DNAJC5: variants seen among roughly 807,000 people sequenced by gnomAD.
DNAJC5 encodes the protein DnaJ heat shock protein family (Hsp40) member C5, also known as dnaJ homolog subfamily C member 5.
A neutral mutation model predicts 23.2 loss-of-function variants in DNAJC5; 1 was observed. That is an observed-to-expected ratio of 0.04 (90% confidence interval 0.02 to 0.20). The LOEUF is 0.20. Among genes scored for constraint, DNAJC5 ranks in the 10% least tolerant of loss-of-function variants. The pLI is 1.00. For missense variants in DNAJC5, 180 were observed against 267.0 expected (o/e 0.67, Z 2.27); for synonymous variants, 136 against 120.0 (o/e 1.13, Z -0.87).
rs773991541 is a variant in DNAJC5 at position 63,931,129 on chromosome 20, G to A, written c.493+107G>A. On this transcript the variant is annotated intron_variant, in intron 4 of 4. Coordinates refer to ENST00000360864, the MANE Select transcript of DNAJC5 (RefSeq NM_025219.3). The surrounding 1 kb of genome is among the most constrained non-coding windows in gnomAD (Gnocchi z 9.6). ...AACAGGAGGGCACTGACACTGTGCC[G>A]CGAGTGTTTGTGGTGGCAGCTGGGA... is the stretch of plus-strand genomic sequence containing the variant. 6 of 1,235,156 alleles carry A rather than the reference G, an allele frequency of 4.9e-6. No individual in the cohort carries two copies. Among genetic ancestry groups the A allele is most frequent in the African/African-American group, 1.5e-5 (1 of 67,554 alleles). The allele number at this position is 1,235,156 out of a possible 1,614,324, so 76.5% of individuals were successfully genotyped here. A position where few individuals can be genotyped will look rare whatever the true frequency, so the allele number is the denominator to read the frequency against.
At chr20:63,922,150 TC>T (rs769442180) in intron 1 of DNAJC5, among the ~76,000 whole-genome samples, 5 of 151,824 alleles carry the variant, frequency 3.3e-5, no homozygotes, top group Non-Finnish European at 7.4e-5. Flanking sequence ...GGTGGCAAAC[TC>T]CCGGACTCAT....
chr20:63,899,409 C>T (rs1183549062), intron 1 of DNAJC5, among the ~76,000 whole-genome samples: 1 of 151,496 alleles, frequency 6.6e-6, no homozygotes, highest in Non-Finnish European at 1.5e-5. Context: ...TCACCCTTTG[C>T]ATTAACTTTG....
At chr20:63,905,155 G>T (rs541820358) in intron 1 of DNAJC5, among the ~76,000 whole-genome samples, 1 of 115,670 alleles carries the variant, frequency 8.6e-6, no homozygotes, top group Non-Finnish European at 1.8e-5. Flanking sequence ...CGCTCTTGTC[G>T]CCCAGGCTGG....
chr20:63,901,722 C>T (rs2053414352), intron 1 of DNAJC5, among the ~76,000 whole-genome samples: 1 of 152,172 alleles, frequency 6.6e-6, no homozygotes, highest in African/African-American at 2.4e-5. Context: ...AGCAGCAGAG[C>T]GAATGTTTGG....
At chr20:63,922,075 G>A (rs1040941797) in intron 1 of DNAJC5, among the ~76,000 whole-genome samples, 8 of 151,606 alleles carry the variant, frequency 5.3e-5, no homozygotes, top group African/African-American at 1.2e-4. Flanking sequence ...CACCACTCCC[G>A]GCCCCCTTGA....
At chr20:63,913,105 C>CCTG (rs1555878050) in intron 1 of DNAJC5, among the ~76,000 whole-genome samples, 1 of 151,994 alleles carries the variant, frequency 6.6e-6, no homozygotes, top group Non-Finnish European at 1.5e-5. Flanking sequence ...ACTGTCTCTC[C>CCTG]CAGAGGTGTT....
Position 63,931,046 on chromosome 20 carries a change from T to C in DNAJC5, c.493+24T>C. 6.5e-7 allele frequency: 1 copy of C among 1,537,398 alleles called. No homozygotes were observed. The highest frequency in any genetic ancestry group is 1.1e-5 in the South Asian group (1 of 88,882). On this transcript the variant is annotated intron_variant, in intron 4 of 4. Transcript: ENST00000360864. This position sits in a 1 kb window ranked among gnomAD's most constrained non-coding sequence, Gnocchi z 9.6. ...GGGTGAGTGCCCGCCCCAGGGCCCG[T>C]GTGTGTGTGTGGGGCAGAGCCAGAA...
chr20:63,912,317 A>G (rs2053487632), intron 1 of DNAJC5, among the ~76,000 whole-genome samples: 2 of 152,178 alleles, frequency 1.3e-5, no homozygotes, highest in South Asian at 4.2e-4. Flanking sequence ...AAAAAAAAAA[A>G]AAGAGTAAAG....
In DNAJC5 at chr20:63,927,535, TC is replaced by T. The variant is rs542283695; in HGVS notation, c.-11-790del. On this transcript the variant is annotated intron_variant, in intron 1 of 4. Transcript: ENST00000360864. Reference sequence around the variant, plus strand: ...AGCCTGGGCAACAAGAGCAAAACTGTCCCCCCCCCCAAAAAAGAAAGAAAGA... The same window carrying T: ...AGCCTGGGCAACAAGAGCAAAACTGTCCCCCCCCCAAAAAAGAAAGAAAGA... Among the ~76,000 whole-genome samples the T allele has an allele frequency of 5.4e-4, 75 of 138,452 alleles. No individual in the cohort carries two copies. The Middle Eastern group carries it at 0.011, about 20-fold the overall frequency. The allele number at this position is 138,452 out of a possible 152,430, so 90.8% of individuals were successfully genotyped here. A position where few individuals can be genotyped will look rare whatever the true frequency, so the allele number is the denominator to read the frequency against.
At chr20:63,896,528 C>A (rs1355269214) in intron 1 of DNAJC5, among the ~76,000 whole-genome samples, 1 of 152,220 alleles carries the variant, frequency 6.6e-6, no homozygotes, top group Non-Finnish European at 1.5e-5. Flanking sequence ...CACCCTCAGA[C>A]TGGCCCCTGA....
chr20:63,906,663 A>G (rs2053450549), intron 1 of DNAJC5, among the ~76,000 whole-genome samples: 1 of 151,324 alleles, frequency 6.6e-6, no homozygotes, highest in South Asian at 2.1e-4. Context: ...GCGCCTGTAT[A>G]TAGTCCCAGC....
chr20:63,911,164 A>G (rs1395131917), intron 1 of DNAJC5, among the ~76,000 whole-genome samples: 1 of 152,232 alleles, frequency 6.6e-6, no homozygotes, highest in African/African-American at 2.4e-5. Context: ...GACCTGGGGC[A>G]GTAGATGAGT....
rs765250343 is a variant in DNAJC5 at position 63,931,169 on chromosome 20, A to G, written c.493+147A>G. ...GGCAGCTGGGACTGTTGAGGTGTGAACGTGGACCCTGAGGTAAAGCAGGCG... is the reference window on the plus strand; with the variant it reads ...GGCAGCTGGGACTGTTGAGGTGTGAGCGTGGACCCTGAGGTAAAGCAGGCG... On this transcript the variant is annotated intron_variant, in intron 4 of 4. Coordinates refer to ENST00000360864, the MANE Select transcript of DNAJC5 (RefSeq NM_025219.3). The surrounding 1 kb of genome is among the most constrained non-coding windows in gnomAD (Gnocchi z 9.6). The G allele has an allele frequency of 1.1e-6, 1 of 925,294 alleles. No individual in the cohort carries two copies. Among genetic ancestry groups the G allele is most frequent in the South Asian group, 1.4e-5 (1 of 71,444 alleles). The allele number at this position is 925,294 out of a possible 1,614,324, so 57.3% of individuals were successfully genotyped here.
intron 1 of DNAJC5, among the ~76,000 whole-genome samples, chr20:63,917,415 CAGAA>C: frequency 6.6e-6 from 1 of 152,018 alleles, no homozygotes. Context: ...ACAAAAAATG[CAGAA>C]CTTTTGTATT....
intron 1 of DNAJC5, among the ~76,000 whole-genome samples, chr20:63,916,632 A>G (rs566730783): frequency 9.2e-5 from 14 of 152,356 alleles, no homozygotes; most frequent in African/African-American, 2.9e-4. Flanking sequence ...GCAGAGAACC[A>G]GTCTGACCAA....
chr20:63,931,640 TCA>T lies in DNAJC5; in HGVS notation c.*75_*76del, dbSNP rs1025669532. On this transcript the variant is annotated 3_prime_UTR_variant, in exon 5 of 5. Transcript: ENST00000360864. The surrounding 1 kb of genome is among the most constrained non-coding windows in gnomAD (Gnocchi z 9.6). ...CCAACCTTAGAATCATGAACTGTAG[TCA>T]CAGAGATGGGAAGGCAGCCTCCTGC... 2.1e-6 allele frequency: 3 copies of T among 1,437,620 alleles called. No homozygotes were observed. The African/African-American group carries it at 4.2e-5, about 20-fold the overall frequency. 89.1% of individuals were successfully genotyped at this position (1,437,620 alleles called of 1,614,324 possible). A position where few individuals can be genotyped will look rare whatever the true frequency, so the allele number is the denominator to read the frequency against.
At position 63,904,145 on chromosome 20, in the gene DNAJC5, C is replaced by A. The variant is rs2053432376; in HGVS notation, c.-12+8822C>A. ...TTCTGGGACAAGGTTGCCGAATATG[C>A]ATTAGCCGTAATCCCCAGGACAGCC... On this transcript the variant is annotated intron_variant, in intron 1 of 4. Coordinates refer to ENST00000360864, the MANE Select transcript of DNAJC5 (RefSeq NM_025219.3). 2.0e-5 allele frequency among the ~76,000 whole-genome samples: 3 copies of A among 152,146 alleles called. No individual in the cohort carries two copies. The South Asian group carries it at 6.2e-4, about 31-fold the overall frequency.
intron 1 of DNAJC5, among the ~76,000 whole-genome samples, chr20:63,903,066 A>G (rs898590063): frequency 6.6e-6 from 1 of 151,782 alleles, no homozygotes; most frequent in Non-Finnish European, 1.5e-5. Context: ...GCATTCTCCC[A>G]GGCCCAAGCA....
At chr20:63,898,270 G>A (rs1290374745) in intron 1 of DNAJC5, among the ~76,000 whole-genome samples, 3 of 152,166 alleles carry the variant, frequency 2.0e-5, no homozygotes, top group South Asian at 2.1e-4. Context: ...GCAGTGGGGC[G>A]GGGAGTCATG....
Sources: gnomAD v4.1 joint callset for allele counts (sites outside exome capture counted in the v4.1 genomes callset) on GRCh38, gnomAD v4.1.1 for gene constraint, Gnocchi (gnomAD v3.1) non-coding constraint, MANE v1.5 for transcripts, NCBI Gene and HGNC (gene_info 2026-07-23, HGNC 2026-07-21) for gene names.